The following LINGO2 variants were observed in gnomAD, a reference collection of about 807,000 sequenced individuals.
LINGO2 encodes leucine rich repeat and Ig domain containing 2.
LINGO2 carries 14 observed loss-of-function variants against 30.6 expected under a neutral mutation model. That is an observed-to-expected ratio of 0.46 (90% confidence interval 0.30 to 0.72). The LOEUF is 0.72. LINGO2 is among the 30% of genes least tolerant of loss of function. The pLI is 0.07. For synonymous variants in LINGO2, 317 were observed against 288.5 expected (o/e 1.10, Z -1.00); for missense variants, 729 against 751.7 (o/e 0.97, Z 0.35).
At chr9:28,957,144 C>G in the LINGO2 span, among the ~76,000 whole-genome samples, 1 of 152,096 alleles carries the variant, frequency 6.6e-6, no homozygotes. Context: ...TAGCCTATTA[C>G]TTAGTCTCTT....
chr9:28,416,077 G>A (rs1822955287), intron 2 of LINGO2, among the ~76,000 whole-genome samples: 1 of 151,964 alleles, frequency 6.6e-6, no homozygotes, highest in Non-Finnish European at 1.5e-5. Flanking sequence ...GGATTTTTAT[G>A]TTTTTTGATT....
chr9:28,174,358 C>G (rs1828684476), intron 4 of LINGO2, among the ~76,000 whole-genome samples: 1 of 152,146 alleles, frequency 6.6e-6, no homozygotes, highest in Non-Finnish European at 1.5e-5. Context: ...AAATTACTTG[C>G]TTTCAGTTTA....
At chr9:28,226,613 A>C (rs188531706) in intron 4 of LINGO2, among the ~76,000 whole-genome samples, 1 of 95,400 alleles carries the variant, frequency 1.0e-5, no homozygotes, top group African/African-American at 3.8e-5. Context: ...AGAAAAAGGT[A>C]AGAAGGAAAG....
the LINGO2 span, among the ~76,000 whole-genome samples, chr9:28,711,914 C>A: frequency 2.2e-4 from 33 of 152,236 alleles, no homozygotes; most frequent in East Asian, 6.0e-3. Context: ...CTATTAAAGA[C>A]AAGCTATACT....
At chr9:28,465,036 G>T (rs1157962404) in intron 2 of LINGO2, among the ~76,000 whole-genome samples, 1 of 152,182 alleles carries the variant, frequency 6.6e-6, no homozygotes, top group Non-Finnish European at 1.5e-5. Context: ...CCACATACAG[G>T]CCTGTGGCAG....
the LINGO2 span, among the ~76,000 whole-genome samples, chr9:28,793,524 T>A: frequency 6.6e-6 from 1 of 152,202 alleles, no homozygotes; most frequent in South Asian, 2.1e-4. Context: ...TATATTCCTA[T>A]ATTACATAGC....
At chr9:28,067,872 G>C (rs911637408) in intron 4 of LINGO2, among the ~76,000 whole-genome samples, 1 of 152,074 alleles carries the variant, frequency 6.6e-6, no homozygotes, top group Non-Finnish European at 1.5e-5. Flanking sequence ...TCACTTTATA[G>C]GTAAGGCAAC....
intron 2 of LINGO2, among the ~76,000 whole-genome samples, chr9:28,461,832 TC>T (rs1343559485): frequency 6.6e-6 from 1 of 152,158 alleles, no homozygotes; most frequent in East Asian, 1.9e-4. Context: ...TGTTGTGCAG[TC>T]TATGACATTA....
chr9:28,762,807 C>T, the LINGO2 span, among the ~76,000 whole-genome samples: 1 of 151,990 alleles, frequency 6.6e-6, no homozygotes, highest in Non-Finnish European at 1.5e-5. Context: ...GCCCCAATAC[C>T]TTGTCTTTTG....
chr9:28,263,710 TA>T lies in LINGO2; in HGVS notation c.-87+31497del, dbSNP rs536277641. On this transcript the variant is annotated intron_variant, in intron 4 of 5. Coordinates refer to ENST00000379992, the Ensembl canonical transcript of LINGO2. ...GCAATGCCATGTGACCACAGCTGCTTAAAAATATCTTCCCTGGTTTGCAATG... is the reference window on the plus strand; with the variant it reads ...GCAATGCCATGTGACCACAGCTGCTTAAAATATCTTCCCTGGTTTGCAATG... Among the ~76,000 whole-genome samples the T allele has an allele frequency of 1.6e-4, 24 of 152,074 alleles. 1 individual carries two copies. The East Asian group carries it at 3.7e-3, about 23-fold the overall frequency.
chr9:28,923,247 G>C, the LINGO2 span, among the ~76,000 whole-genome samples: 1 of 152,188 alleles, frequency 6.6e-6, no homozygotes, highest in Non-Finnish European at 1.5e-5. Context: ...ATTCTGCAAA[G>C]TTATAGCAGA....
the LINGO2 span, among the ~76,000 whole-genome samples, chr9:29,167,477 A>C: frequency 6.6e-6 from 1 of 152,284 alleles, no homozygotes; most frequent in African/African-American, 2.4e-5. Flanking sequence ...AAGTGTGACA[A>C]GATTGCTTTG....
intron 1 of LINGO2, among the ~76,000 whole-genome samples, chr9:28,649,327 C>T (rs947479706): frequency 1.5e-5 from 2 of 130,626 alleles, no homozygotes; most frequent in South Asian, 2.3e-4. Context: ...CATGTCTCAA[C>T]AATGTTGCTC....
At chr9:28,005,066 G>T (rs1283583219) in intron 5 of LINGO2, among the ~76,000 whole-genome samples, 1 of 152,208 alleles carries the variant, frequency 6.6e-6, no homozygotes, top group African/African-American at 2.4e-5. Context: ...CAGTACATCT[G>T]AAAGTGGCAG....
chr9:28,787,097 C>T, the LINGO2 span, among the ~76,000 whole-genome samples: 1 of 152,014 alleles, frequency 6.6e-6, no homozygotes, highest in South Asian at 2.1e-4. Flanking sequence ...AGTGATGTTG[C>T]TTAGAATAGT....
At chr9:28,046,446 G>A (rs1479121534) in intron 4 of LINGO2, among the ~76,000 whole-genome samples, 2 of 152,138 alleles carry the variant, frequency 1.3e-5, no homozygotes, top group Admixed American at 1.3e-4. Context: ...GTTTTTGGTG[G>A]ACGCTACTGG....
the LINGO2 span, among the ~76,000 whole-genome samples, chr9:29,139,254 C>A: frequency 6.6e-6 from 1 of 152,114 alleles, no homozygotes; most frequent in South Asian, 2.1e-4. Context: ...GAAGCCCTAG[C>A]CTAATACCTT....
chr9:28,548,199 G>C (rs561974525), intron 1 of LINGO2, among the ~76,000 whole-genome samples: 14 of 152,134 alleles, frequency 9.2e-5, no homozygotes, highest in African/African-American at 2.9e-4. Flanking sequence ...TTATATTAAA[G>C]TTAGGTGTCC....
chr9:27,968,313 A>G (rs2118710430), intron 5 of LINGO2, among the ~76,000 whole-genome samples: 1 of 152,210 alleles, frequency 6.6e-6, no homozygotes, highest in East Asian at 1.9e-4. Context: ...AACAATATCC[A>G]GCTATGGAAA....
Sources: allele counts gnomAD v4.1 joint callset (sites outside exome capture counted in the v4.1 genomes callset), GRCh38; gene constraint gnomAD v4.1.1; transcripts MANE v1.5; gene names NCBI Gene and HGNC (gene_info 2026-07-23, HGNC 2026-07-21).